RASAL2: variants seen among roughly 807,000 people sequenced by gnomAD.
The protein encoded by RASAL2 is ras GTPase-activating protein nGAP.
In RASAL2, 58 loss-of-function variants were observed where a neutral mutation model predicts 128.9. The ratio of observed to expected loss-of-function variants is 0.45; its 90% CI spans 0.36 to 0.56. The LOEUF (loss-of-function observed/expected upper bound fraction) is 0.56. RASAL2 is among the 20% of genes least tolerant of loss of function. The probability of loss-of-function intolerance (pLI) is 0.00; values close to 1 mark genes in which losing one functional copy is unlikely to be tolerated. For missense variants in RASAL2, 1,360 were observed against 1,601.6 expected (o/e 0.85, Z 2.57); for synonymous variants, 561 against 580.8 (o/e 0.97, Z 0.49).
chr1:178,379,614 G>C (rs1467223996), intron 3 of RASAL2, among the ~76,000 whole-genome samples: 2 of 152,172 alleles, frequency 1.3e-5, no homozygotes, highest in South Asian at 4.2e-4. Context: ...TAGCATTCTG[G>C]CATCTAAATT....
chr1:178,222,954 G>A (rs1198954636), intron 1 of RASAL2, among the ~76,000 whole-genome samples: 2 of 151,708 alleles, frequency 1.3e-5, no homozygotes, highest in African/African-American at 4.8e-5. Context: ...AAATTACTTG[G>A]TATAGAGAAA....
intron 12 of RASAL2, 55 bp from the exon 13 acceptor site, chr1:178,456,666 G>C (rs1375899267): frequency 1.3e-6 from 2 of 1,587,032 alleles, no homozygotes; most frequent in South Asian, 1.1e-5. Context: ...AAAACAATCT[G>C]TGGTGGATGT....
chr1:178,207,663 A>T (rs895690375), intron 1 of RASAL2, among the ~76,000 whole-genome samples: 5 of 152,306 alleles, frequency 3.3e-5, no homozygotes, highest in African/African-American at 1.2e-4. Context: ...AAGTTTTATC[A>T]GACTGAAAAA....
At chr1:178,226,266 G>T (rs997683797) in intron 1 of RASAL2, among the ~76,000 whole-genome samples, 1 of 152,126 alleles carries the variant, frequency 6.6e-6, no homozygotes, top group African/African-American at 2.4e-5. Context: ...AAGCAGATTT[G>T]TTGCATTGTT....
At chr1:178,381,760 C>T (rs1410264007) in intron 3 of RASAL2, among the ~76,000 whole-genome samples, 2 of 151,538 alleles carry the variant, frequency 1.3e-5, no homozygotes, top group Non-Finnish European at 2.9e-5. Flanking sequence ...AGCATATTAA[C>T]AATGAGAATA....
intron 1 of RASAL2, among the ~76,000 whole-genome samples, chr1:178,133,783 G>C (rs557071690): frequency 1.3e-5 from 2 of 152,212 alleles, no homozygotes; most frequent in South Asian, 4.1e-4. Flanking sequence ...GTTTGTCAGT[G>C]CCTCTCTTTC....
At chr1:178,315,458 C>G (rs1668464257) in intron 3 of RASAL2, among the ~76,000 whole-genome samples, 1 of 144,764 alleles carries the variant, frequency 6.9e-6, no homozygotes, top group Non-Finnish European at 1.5e-5. Context: ...CCTGTCGTTT[C>G]CTGACTTTTT....
intron 3 of RASAL2, among the ~76,000 whole-genome samples, chr1:178,360,796 C>T (rs1431323938): frequency 6.6e-6 from 1 of 152,188 alleles, no homozygotes; most frequent in East Asian, 1.9e-4. Flanking sequence ...CTTTTCACCT[C>T]GCTTCCAGTG....
chr1:178,266,303 A>C (rs1571739835), intron 1 of RASAL2, among the ~76,000 whole-genome samples: 2 of 152,272 alleles, frequency 1.3e-5, no homozygotes, highest in East Asian at 1.9e-4. Flanking sequence ...CTGTGGCCTT[A>C]ATTTGCATTT....
intron 3 of RASAL2, among the ~76,000 whole-genome samples, chr1:178,379,918 A>C (rs1672188068): frequency 6.6e-6 from 1 of 152,216 alleles, no homozygotes; most frequent in Non-Finnish European, 1.5e-5. Context: ...TTTGTGACTT[A>C]ATTTGAGACA....
chr1:178,102,634 CT>C lies in RASAL2; in HGVS notation c.202+7947del, dbSNP rs778476286. On this transcript the variant is annotated intron_variant, in intron 1 of 17. Transcript: ENST00000367649. ...CAAACTGCATATATTTTACATTCTA[CT>C]TTTTTTCTCTTAAGTGTATTTTCTC... is the stretch of plus-strand genomic sequence containing the variant. Among the ~76,000 whole-genome samples, 16 of 152,196 alleles carry C rather than the reference CT, an allele frequency of 1.1e-4. No individual in the cohort carries two copies. The East Asian group carries it at 1.5e-3, about 15-fold the overall frequency.
intron 3 of RASAL2, among the ~76,000 whole-genome samples, chr1:178,382,107 T>C (rs1672317202): frequency 6.6e-6 from 1 of 152,208 alleles, no homozygotes; most frequent in African/African-American, 2.4e-5. Flanking sequence ...TCTAAGTACT[T>C]ATCTCCCCAC....
intron 1 of RASAL2, chr1:178,194,519 A>G (rs1662596303): frequency 6.2e-6 from 1 of 161,448 alleles, no homozygotes; most frequent in African/African-American, 2.4e-5. Flanking sequence ...CTAAGCACCA[A>G]GGTCTTGGGC....
intron 3 of RASAL2, among the ~76,000 whole-genome samples, chr1:178,348,824 T>A (rs1670286277): frequency 6.7e-6 from 1 of 149,000 alleles, no homozygotes; most frequent in Non-Finnish European, 1.5e-5. Flanking sequence ...TTTTTTGAGA[T>A]GGAGTCTCGC....
chr1:178,205,770 A>T (rs1045277384), intron 1 of RASAL2, among the ~76,000 whole-genome samples: 2 of 151,892 alleles, frequency 1.3e-5, no homozygotes. Context: ...AAAAAAAAAG[A>T]CTCATGTTCA....
intron 1 of RASAL2, among the ~76,000 whole-genome samples, chr1:178,145,918 C>T (rs1660718250): frequency 6.6e-6 from 1 of 152,114 alleles, no homozygotes; most frequent in African/African-American, 2.4e-5. Flanking sequence ...CATAGTCATA[C>T]CTAGCTATAA....
chr1:178,258,624 C>T (rs1665503057), intron 1 of RASAL2, among the ~76,000 whole-genome samples: 1 of 152,146 alleles, frequency 6.6e-6, no homozygotes, highest in African/African-American at 2.4e-5. Context: ...CAAGTGTTGA[C>T]TTGTATGTGG....
At chr1:178,371,370 A>G (rs934100543) in intron 3 of RASAL2, among the ~76,000 whole-genome samples, 1 of 151,510 alleles carries the variant, frequency 6.6e-6, no homozygotes, top group Non-Finnish European at 1.5e-5. Context: ...ACACACACAC[A>G]CACACACTTC....
At chr1:178,222,177 T>G (rs934244628) in intron 1 of RASAL2, among the ~76,000 whole-genome samples, 1 of 152,144 alleles carries the variant, frequency 6.6e-6, no homozygotes, top group Admixed American at 6.5e-5. Flanking sequence ...GGTTTTGTTT[T>G]GTGATTTATT....
Sources: allele counts gnomAD v4.1 joint callset (sites outside exome capture counted in the v4.1 genomes callset), GRCh38; gene constraint gnomAD v4.1.1; transcripts MANE v1.5; gene names NCBI Gene and HGNC (gene_info 2026-07-23, HGNC 2026-07-21).